The following PDE1A variants were observed in gnomAD, a reference collection of about 807,000 sequenced individuals.
The protein encoded by PDE1A is phosphodiesterase 1A.
Under a neutral mutation model 61.7 loss-of-function variants are expected in PDE1A, and 35 were observed. That is an observed-to-expected ratio of 0.57 (90% CI 0.43 to 0.75). PDE1A has a LOEUF of 0.75. PDE1A is among the 30% of genes least tolerant of loss of function. PDE1A has a pLI of 0.00. For synonymous variants in PDE1A, 232 were observed against 213.2 expected, an observed-to-expected ratio of 1.09 and a Z score of -0.77; for missense variants, 597 against 630.6, an observed-to-expected ratio of 0.95 and a Z score of 0.57.
chr2:182,413,984 T>C (rs1341840939), intron 1 of PDE1A, among the ~76,000 whole-genome samples: 2 of 152,130 alleles, frequency 1.3e-5, no homozygotes, highest in Non-Finnish European at 2.9e-5. Flanking sequence ...ATTGGTAGTA[T>C]TGGGTATCAG....
intron 1 of PDE1A, among the ~76,000 whole-genome samples, chr2:182,329,383 CTTTAT>C (rs1393436082): frequency 6.6e-6 from 1 of 151,832 alleles, no homozygotes; most frequent in Non-Finnish European, 1.5e-5. Flanking sequence ...TCAAATGTCT[CTTTAT>C]TTTATTATTT....
the PDE1A span, among the ~76,000 whole-genome samples, chr2:182,654,029 A>G: frequency 0.014 from 2,132 of 152,286 alleles, 30 homozygotes; most frequent in Middle Eastern, 0.027. Flanking sequence ...CACAGACTAT[A>G]TTTTTATAGA....
chr2:182,401,715 A>AG (rs1702008614), intron 1 of PDE1A, among the ~76,000 whole-genome samples: 1 of 152,222 alleles, frequency 6.6e-6, no homozygotes, highest in Admixed American at 6.5e-5. Context: ...GTATTCAAAT[A>AG]GGAAGAGAGG....
At chr2:182,485,495 G>A (rs532902510) in intron 2 of PDE1A, among the ~76,000 whole-genome samples, 78 of 151,844 alleles carry the variant, frequency 5.1e-4, no homozygotes, top group Non-Finnish European at 6.9e-4. Flanking sequence ...ACTTTCACAC[G>A]TACCCCCAAA....
At chr2:182,448,068 T>A (rs999629813) in intron 2 of PDE1A, among the ~76,000 whole-genome samples, 2 of 152,110 alleles carry the variant, frequency 1.3e-5, no homozygotes, top group Non-Finnish European at 1.5e-5. Context: ...TGCCTTATGA[T>A]GACAAGCTGC....
intron 3 of PDE1A, among the ~76,000 whole-genome samples, chr2:182,235,289 A>C (rs1256990471): frequency 6.6e-6 from 1 of 152,076 alleles, no homozygotes; most frequent in Non-Finnish European, 1.5e-5. Context: ...GATTACAGGC[A>C]TGCGCCACCA....
Position 182,521,039 on chromosome 2 carries a change from A to G in PDE1A, c.101+1237T>C, listed in dbSNP as rs553576399. On this transcript the variant is annotated intron_variant, in intron 2 of 14. Coordinates refer to the PDE1A transcript ENST00000410103. ...TCCTTTTTGAAAGTTATTCTCTGCT[A>G]TATGTTCTTTGCATTATTGTGCTCT... 3.3e-5 allele frequency among the ~76,000 whole-genome samples: 5 copies of G among 152,136 alleles called. No homozygotes were observed. In the East Asian group the frequency reaches 9.6e-4, roughly 29 times the overall value.
the PDE1A span, among the ~76,000 whole-genome samples, chr2:182,529,498 T>C: frequency 2.3e-3 from 350 of 152,354 alleles, 3 homozygotes; most frequent in African/African-American, 7.9e-3. Flanking sequence ...GATGAGACTT[T>C]GGACTGTGGA....
chr2:182,628,649 A>T, the PDE1A span, among the ~76,000 whole-genome samples: 7 of 152,230 alleles, frequency 4.6e-5, no homozygotes, highest in East Asian at 1.4e-3. Context: ...GTGTAGAAGT[A>T]ATTTTCTTTT....
chr2:182,684,276 A>G, the PDE1A span, among the ~76,000 whole-genome samples: 2 of 152,158 alleles, frequency 1.3e-5, no homozygotes, highest in Non-Finnish European at 2.9e-5. Flanking sequence ...TTTACTTGAC[A>G]ATACCGTATG....
the PDE1A span, among the ~76,000 whole-genome samples, chr2:182,648,395 G>A: frequency 3.9e-3 from 595 of 151,524 alleles, 2 homozygotes; most frequent in Middle Eastern, 0.01. Context: ...GTCCAGGCTG[G>A]GCACAGTGGC....
the PDE1A span, among the ~76,000 whole-genome samples, chr2:182,550,817 G>GA: frequency 1.3e-5 from 2 of 152,170 alleles, no homozygotes; most frequent in Non-Finnish European, 2.9e-5. Flanking sequence ...GAGAGCATGA[G>GA]AGTCTCCTGT....
the PDE1A span, among the ~76,000 whole-genome samples, chr2:182,688,061 C>A: frequency 6.6e-6 from 1 of 152,102 alleles, no homozygotes; most frequent in East Asian, 1.9e-4. Context: ...ACTGGTGTAC[C>A]TGAAAGTGAC....
chr2:182,372,539 T>C (rs573587224), intron 1 of PDE1A, among the ~76,000 whole-genome samples: 2 of 152,370 alleles, frequency 1.3e-5, no homozygotes, highest in South Asian at 2.1e-4. Flanking sequence ...CTGCTGATAT[T>C]ACAACAGTTC....
At chr2:182,361,307 T>G (rs1394742923) in intron 1 of PDE1A, among the ~76,000 whole-genome samples, 1 of 152,112 alleles carries the variant, frequency 6.6e-6, no homozygotes, top group South Asian at 2.1e-4. Flanking sequence ...GGGGTATCCA[T>G]ACTGTGAGGA....
chr2:182,152,138 C>T (rs974723911), intron 13 of PDE1A, among the ~76,000 whole-genome samples: 2 of 152,028 alleles, frequency 1.3e-5, no homozygotes, highest in Admixed American at 1.3e-4. Flanking sequence ...AAGAATATTA[C>T]CTTTGCTATG....
intron 2 of PDE1A, among the ~76,000 whole-genome samples, chr2:182,440,927 C>A (rs931928452): frequency 6.6e-6 from 1 of 151,886 alleles, no homozygotes; most frequent in Non-Finnish European, 1.5e-5. Flanking sequence ...CCCCTTACCA[C>A]GAAAATTTTT....
chr2:182,487,173 A>T (rs558944328), intron 2 of PDE1A, among the ~76,000 whole-genome samples: 1 of 152,294 alleles, frequency 6.6e-6, no homozygotes, highest in Admixed American at 6.5e-5. Context: ...GATGTTCACC[A>T]TCATCGGTCA....
chr2:182,143,480 C>CT (rs1226692121), downstream of PDE1A, among the ~76,000 whole-genome samples: 1 of 151,840 alleles, frequency 6.6e-6, no homozygotes, highest in Non-Finnish European at 1.5e-5. Flanking sequence ...TAAGGGCTTT[C>CT]TTTTTTTAAA....
Sources: allele counts gnomAD v4.1 joint callset (sites outside exome capture counted in the v4.1 genomes callset), GRCh38; gene constraint gnomAD v4.1.1; transcripts MANE v1.5; gene names NCBI Gene and HGNC (gene_info 2026-07-23, HGNC 2026-07-21).